Variants in NAPB observed in about 807,000 individuals in gnomAD.
NAPB encodes beta-soluble NSF attachment protein.
In NAPB, 26 loss-of-function variants were observed where a neutral mutation model predicts 44.7. The observed-to-expected ratio is 0.58, with a 90% CI of 0.43 to 0.81. NAPB has a LOEUF of 0.81. Ranked by LOEUF, NAPB falls within the 30% of genes least tolerant of loss-of-function variation. NAPB has a pLI of 0.00. For synonymous variants in NAPB, 120 were observed against 116.8 expected (o/e 1.03, Z -0.18); for missense variants, 315 against 356.4 (o/e 0.88, Z 0.94).
At chr20:23,403,126 C>G in intron 1 of NAPB, 54 bp from the exon 2 acceptor site, 1 of 1,275,860 alleles carries the variant, frequency 7.8e-7, no homozygotes, top group South Asian at 1.2e-5. Context: ...CTCTAATTCT[C>G]CCTCCCTCAA....
At chr20:23,394,039 G>T (rs187672650) in intron 5 of NAPB, among the ~76,000 whole-genome samples, 1 of 152,212 alleles carries the variant, frequency 6.6e-6, no homozygotes, top group Non-Finnish European at 1.5e-5. Context: ...GATGCATGGG[G>T]AGTGTGGGGC....
At chr20:23,412,172 C>G (rs1985701295) in intron 1 of NAPB, among the ~76,000 whole-genome samples, 1 of 152,174 alleles carries the variant, frequency 6.6e-6, no homozygotes, top group South Asian at 2.1e-4. Context: ...ATTCTCTACT[C>G]TGGAATGTAG....
At chr20:23,415,763 T>C (rs1985964805) in intron 1 of NAPB, among the ~76,000 whole-genome samples, 1 of 151,876 alleles carries the variant, frequency 6.6e-6, no homozygotes, top group Non-Finnish European at 1.5e-5. Flanking sequence ...GTCCCGGAGT[T>C]GGAGACAAGC....
chr20:23,401,945 G>A (rs567304309), intron 2 of NAPB, among the ~76,000 whole-genome samples: 24 of 152,072 alleles, frequency 1.6e-4, no homozygotes, highest in Non-Finnish European at 2.6e-4. Context: ...ATCTCTTCAG[G>A]TAAGATCACT....
rs1416090090 is a variant in NAPB at position 23,374,833 on chromosome 20, A to G, written c.*2543T>C. On this transcript the variant is annotated 3_prime_UTR_variant, in exon 11 of 11. Transcript: ENST00000377026. ...TGTGCAAAAATACTGCTTTCAAATCATTAAATAAAAAAGAACTCACACAAG... is the reference window on the plus strand; with the variant it reads ...TGTGCAAAAATACTGCTTTCAAATCGTTAAATAAAAAAGAACTCACACAAG... 2.0e-5 allele frequency: 3 copies of G among 152,436 alleles called. No homozygotes were observed. Among genetic ancestry groups the G allele is most frequent in the Admixed American group, 2.0e-4 (3 of 15,292 alleles). 9.4% of individuals were successfully genotyped at this position (152,436 alleles called of 1,614,324 possible).
intron 2 of NAPB, among the ~76,000 whole-genome samples, chr20:23,398,842 C>T (rs767334061): frequency 5.2e-4 from 70 of 135,778 alleles, no homozygotes; most frequent in Admixed American, 2.7e-3. Flanking sequence ...AGACTCTTGT[C>T]TCAAAAAAAA....
At position 23,421,373 on chromosome 20, in the gene NAPB, T is replaced by C. The variant is rs917858932; in HGVS notation, c.30A>G (p.Ala10=). 5.2e-6 allele frequency: 8 copies of C among 1,553,320 alleles called. No individual in the cohort carries two copies. In the East Asian group the frequency reaches 1.7e-4, roughly 33 times the overall value. Residue 10 remains alanine, a synonymous_variant, in exon 1 of 11, where the codon GCA becomes GCG. Transcript: ENST00000377026. The part of the protein sequence containing the change: MDNAGKERE[A]VQLMAEAEKR... ...TCTCGGCCTCCGCCATCAGCTGTAC[T>C]GCCTCACGCTCCTTCCCCGCGTTGT... is the stretch of plus-strand genomic sequence containing the variant.
chr20:23,401,690 G>T (rs1323087408), intron 2 of NAPB, among the ~76,000 whole-genome samples: 1 of 152,166 alleles, frequency 6.6e-6, no homozygotes, highest in Non-Finnish European at 1.5e-5. Flanking sequence ...AGACCACCCT[G>T]GGCAACATGG....
At chr20:23,413,250 A>G (rs1323354751) in intron 1 of NAPB, among the ~76,000 whole-genome samples, 1 of 152,208 alleles carries the variant, frequency 6.6e-6, no homozygotes, top group Non-Finnish European at 1.5e-5. Context: ...AGTTTAAGTA[A>G]TAATATACAA....
At chr20:23,400,130 TCACATTCC>T (rs1382695520) in intron 2 of NAPB, among the ~76,000 whole-genome samples, 1 of 152,238 alleles carries the variant, frequency 6.6e-6, no homozygotes, top group Non-Finnish European at 1.5e-5. Context: ...TTTTACATTT[TCACATTCC>T]CACATTCCAA....
intron 5 of NAPB, 72 bp from the exon 6 acceptor site, chr20:23,390,336 G>C (rs1457175379): frequency 3.9e-6 from 5 of 1,297,640 alleles, no homozygotes; most frequent in Middle Eastern, 1.9e-4. Flanking sequence ...ATTTGCATAG[G>C]TATTTTTCCA....
Position 23,375,597 on chromosome 20 carries a change from T to A in NAPB, c.*1779A>T, listed in dbSNP as rs1982449119. ...GGGAGTGAAAAAGTACCAACTGGAC[T>A]CCATTCCAGGTCTTACCTCTAGAAG... is the stretch of plus-strand genomic sequence containing the variant. On this transcript the variant is annotated 3_prime_UTR_variant, in exon 11 of 11. Transcript: ENST00000377026. 6.6e-6 allele frequency: 1 copy of A among 152,220 alleles called. No individual in the cohort carries two copies. Among genetic ancestry groups the A allele is most frequent in the South Asian group, 2.1e-4 (1 of 4,822 alleles). 9.4% of individuals were successfully genotyped at this position (152,220 alleles called of 1,614,324 possible).
intron 1 of NAPB, among the ~76,000 whole-genome samples, chr20:23,411,707 A>C (rs1985669949): frequency 6.6e-6 from 1 of 152,176 alleles, no homozygotes; most frequent in Non-Finnish European, 1.5e-5. Flanking sequence ...AGGTAACAGG[A>C]GTTTTCTGGA....
At chr20:23,390,513 C>A (rs1415419183) in intron 5 of NAPB, among the ~76,000 whole-genome samples, 1 of 152,234 alleles carries the variant, frequency 6.6e-6, no homozygotes, top group Non-Finnish European at 1.5e-5. Flanking sequence ...CAGCTTCCTC[C>A]ATAGTGAGGG....
chr20:23,409,294 G>A (rs964913884), intron 1 of NAPB, among the ~76,000 whole-genome samples: 4 of 152,172 alleles, frequency 2.6e-5, no homozygotes, highest in Non-Finnish European at 5.9e-5. Context: ...CTCAAACAGA[G>A]AAAATAATCA....
intron 9 of NAPB, 114 bp from the exon 10 acceptor site, chr20:23,379,609 T>C: frequency 3.7e-6 from 3 of 814,962 alleles, no homozygotes; most frequent in South Asian, 1.8e-5. Flanking sequence ...ACTGAGGAAA[T>C]ACTCATATAC....
At chr20:23,385,791 A>AAG (rs1983471473) in intron 7 of NAPB, among the ~76,000 whole-genome samples, 3 of 150,748 alleles carry the variant, frequency 2.0e-5, no homozygotes, top group African/African-American at 7.4e-5. Context: ...GAGAAAGAGA[A>AAG]AGAAAGAAAG....
At chr20:23,420,351 G>A (rs1251271953) in intron 1 of NAPB, among the ~76,000 whole-genome samples, 4 of 152,318 alleles carry the variant, frequency 2.6e-5, no homozygotes, top group African/African-American at 7.2e-5. Context: ...ATCAATCTCC[G>A]GAGAAGGAAA....
intron 5 of NAPB, among the ~76,000 whole-genome samples, chr20:23,392,057 C>G (rs78630953): frequency 0.021 from 3,126 of 152,280 alleles, 111 homozygotes; most frequent in African/African-American, 0.071. Context: ...ATTTGTGATG[C>G]ACTTTGTCTT....
Sources: allele counts gnomAD v4.1 joint callset (sites outside exome capture counted in the v4.1 genomes callset), GRCh38; gene constraint gnomAD v4.1.1; transcripts MANE v1.5; gene names NCBI Gene and HGNC (gene_info 2026-07-23, HGNC 2026-07-21).